The following ARMH4 variants were observed in gnomAD, a reference collection of about 807,000 sequenced individuals.
The protein encoded by ARMH4 is armadillo-like helical domain-containing protein 4.
A neutral mutation model predicts 61.9 loss-of-function variants in ARMH4; 49 were observed. That is an observed-to-expected ratio of 0.79 (90% CI 0.63 to 1.00). The LOEUF is 1.00. ARMH4 is among the 50% of genes least tolerant of loss of function. The probability of loss-of-function intolerance (pLI) is 0.00; values close to 1 mark genes in which losing one functional copy is unlikely to be tolerated. For synonymous variants in ARMH4, 368 were observed against 341.5 expected, an observed-to-expected ratio of 1.08 and a Z score of -0.85; for missense variants, 934 against 930.0, an observed-to-expected ratio of 1.00 and a Z score of -0.06.
At chr14:58,108,912 T>C (rs1458550509) in intron 4 of ARMH4, among the ~76,000 whole-genome samples, 1 of 152,216 alleles carries the variant, frequency 6.6e-6, no homozygotes, top group Non-Finnish European at 1.5e-5. Context: ...CCAGATGTCA[T>C]TTGCACTTTC....
chr14:58,131,844 C>T, intron 3 of ARMH4, 123 bp from the exon 4 acceptor site: 1 of 840,424 alleles, frequency 1.2e-6, no homozygotes, highest in Non-Finnish European at 1.9e-6. Context: ...GCAAGTTTGG[C>T]ACTTGGGTCA....
intron 6 of ARMH4, among the ~76,000 whole-genome samples, chr14:58,006,823 C>T (rs1018576102): frequency 1.3e-5 from 2 of 151,860 alleles, no homozygotes; most frequent in African/African-American, 2.4e-5. Context: ...GACAAGTTAA[C>T]GGGTGCAGCA....
At chr14:58,065,745 T>C (rs1367216482) in intron 5 of ARMH4, among the ~76,000 whole-genome samples, 1 of 152,258 alleles carries the variant, frequency 6.6e-6, no homozygotes, top group Non-Finnish European at 1.5e-5. Context: ...ACAAAGATGA[T>C]GGGATGTCAC....
At position 58,138,761 on chromosome 14, in the gene ARMH4, C is replaced by G; in HGVS notation, c.598G>C (p.Val200Leu). 1 of 1,614,230 alleles carries G rather than the reference C, an allele frequency of 6.2e-7. No individual in the cohort carries two copies. The highest frequency in any genetic ancestry group is 8.5e-7 in the Non-Finnish European group (1 of 1,180,048). ...GATGAAGGTGAATGTCCCAAACCAA[C>G]TCCTTCCTGACTTTCAGTTGCAAAT... ...QSFATESQEGVGLGHSPSSYV... is the reference protein window; with the variant it reads ...QSFATESQEGLGLGHSPSSYV... The change falls in exon 2 of 8, where the codon GTT (valine) becomes CTT (leucine). Residue 200 changes from valine to leucine, a missense_variant. Transcript: ENST00000267485.
intron 5 of ARMH4, among the ~76,000 whole-genome samples, chr14:58,066,366 T>C (rs1884699786): frequency 6.6e-6 from 1 of 152,188 alleles, no homozygotes; most frequent in Non-Finnish European, 1.5e-5. Flanking sequence ...TAGGTAAATC[T>C]GTAGAGACAG....
intron 1 of ARMH4, among the ~76,000 whole-genome samples, chr14:58,149,073 A>G (rs184156331): frequency 5.0e-4 from 76 of 152,310 alleles, no homozygotes; most frequent in Admixed American, 1.4e-3. Flanking sequence ...TTTCATGACC[A>G]TTCCTCAATG....
At chr14:58,065,888 CCAGCCAA>C (rs927429968) in intron 5 of ARMH4, among the ~76,000 whole-genome samples, 79 of 152,328 alleles carry the variant, frequency 5.2e-4, no homozygotes, top group African/African-American at 1.8e-3. Flanking sequence ...GGGGCAGCCT[CCAGCCAA>C]CAGCCAACAA....
At chr14:58,069,652 C>A (rs1375840295) in intron 5 of ARMH4, among the ~76,000 whole-genome samples, 1 of 152,048 alleles carries the variant, frequency 6.6e-6, no homozygotes, top group Admixed American at 6.6e-5. Context: ...ATGCAGACGG[C>A]AAGAGAAGAG....
rs148925414 is a variant in ARMH4, at chr14:58,059,370, G to A, written c.2089+37354C>T. 2.0e-5 allele frequency among the ~76,000 whole-genome samples: 3 copies of A among 152,344 alleles called. No homozygotes were observed. In the East Asian group the frequency reaches 5.8e-4, roughly 29 times the overall value. ...TCAAGGCCACTCTGCCAAACACTCT[G>A]TGCAACCCCAGACAGTGATATCACT... On this transcript the variant is annotated intron_variant, in intron 5 of 7. Transcript: ENST00000267485.
rs1333428497 is a variant in ARMH4 at position 58,152,106 on chromosome 14, G to A, written c.-88C>T. The A allele has an allele frequency of 6.3e-6, 1 of 158,294 alleles. No homozygotes were observed. Among genetic ancestry groups the A allele is most frequent in the Non-Finnish European group, 1.4e-5 (1 of 72,696 alleles). The allele number at this position is 158,294 out of a possible 1,614,324, so 9.8% of individuals were successfully genotyped here. On this transcript the variant is annotated 5_prime_UTR_variant, in exon 1 of 8. Transcript: ENST00000267485. ...GCCTTCAGCTGAGCAGCGCGCGGAG[G>A]ACAGAGGCAGCGGCGGCGCGGGCGC... is the stretch of plus-strand genomic sequence containing the variant.
At chr14:58,140,651 A>G (rs534503785) in intron 1 of ARMH4, among the ~76,000 whole-genome samples, 3 of 152,066 alleles carry the variant, frequency 2.0e-5, no homozygotes, top group Non-Finnish European at 2.9e-5. Context: ...CTGAAATCCC[A>G]GCACTTTGGG....
intron 5 of ARMH4, among the ~76,000 whole-genome samples, chr14:58,029,087 C>T (rs2141160817): frequency 6.6e-6 from 1 of 152,232 alleles, no homozygotes; most frequent in East Asian, 1.9e-4. Flanking sequence ...GACCTAAAAG[C>T]AGTCCCTCTC....
Position 58,081,730 on chromosome 14 carries a change from T to C in ARMH4, c.2089+14994A>G, listed in dbSNP as rs144106970. Among the ~76,000 whole-genome samples, 988 of 151,648 alleles carry C rather than the reference T, an allele frequency of 6.5e-3. 16 individuals carry two copies. Among genetic ancestry groups the C allele is most frequent in the African/African-American group, 0.023 (927 of 41,178 alleles). On this transcript the variant is annotated intron_variant, in intron 5 of 7. Transcript: ENST00000267485. Reference sequence around the variant, plus strand: ...TGTTAGTTAGCCAGGATGGTCTCAATCTCCTGACCTCATGATCCGCCCGCC... The same window carrying C: ...TGTTAGTTAGCCAGGATGGTCTCAACCTCCTGACCTCATGATCCGCCCGCC...
chr14:58,107,486 C>T (rs1886200526), intron 4 of ARMH4, among the ~76,000 whole-genome samples: 1 of 152,106 alleles, frequency 6.6e-6, no homozygotes, highest in African/African-American at 2.4e-5. Flanking sequence ...AAATTAGAGG[C>T]CGGATGCAGT....
chr14:58,111,945 C>T (rs906506747), intron 4 of ARMH4, among the ~76,000 whole-genome samples: 8 of 152,070 alleles, frequency 5.3e-5, no homozygotes, highest in Admixed American at 1.3e-4. Context: ...CTTCTGCCTT[C>T]GCCCCCCTAA....
At chr14:58,064,911 T>A (rs911876027) in intron 5 of ARMH4, among the ~76,000 whole-genome samples, 1 of 152,208 alleles carries the variant, frequency 6.6e-6, no homozygotes. Context: ...ATGCTGGATC[T>A]TGTAGGATGA....
chr14:58,101,712 C>T (rs961406509), intron 4 of ARMH4: 2 of 151,988 alleles, frequency 1.3e-5, no homozygotes, highest in East Asian at 1.9e-4. Flanking sequence ...CTGCCCTGCC[C>T]GGTAGCATGA....
chr14:58,061,172 G>A (rs1884519543), intron 5 of ARMH4, among the ~76,000 whole-genome samples: 1 of 152,124 alleles, frequency 6.6e-6, no homozygotes, highest in Non-Finnish European at 1.5e-5. Flanking sequence ...TCTCAGCCCT[G>A]ACACCCTAGC....
chr14:58,014,257 T>G (rs1474407936), intron 5 of ARMH4, among the ~76,000 whole-genome samples: 1 of 152,136 alleles, frequency 6.6e-6, no homozygotes, highest in African/African-American at 2.4e-5. Flanking sequence ...TAGCTCCCTC[T>G]GTCTCAAAGG....
Sources: gnomAD v4.1 joint callset for allele counts (sites outside exome capture counted in the v4.1 genomes callset) on GRCh38, gnomAD v4.1.1 for gene constraint, MANE v1.5 for transcripts, NCBI Gene and HGNC (gene_info 2026-07-23, HGNC 2026-07-21) for gene names.